Variants in GPC5 observed in about 807,000 individuals in gnomAD.
GPC5 encodes the protein glypican 5.
In GPC5, 47 loss-of-function variants were observed where a neutral mutation model predicts 53.9. That is an observed-to-expected ratio of 0.87 (90% CI 0.69 to 1.11). The LOEUF is 1.11. GPC5 is among the 50% of genes most tolerant of loss of function. GPC5 has a pLI of 0.00. For missense variants in GPC5, 748 were observed against 713.1 expected (o/e 1.05, Z -0.56); for synonymous variants, 286 against 263.3 (o/e 1.09, Z -0.84).
intron 6 of GPC5, among the ~76,000 whole-genome samples, chr13:92,056,160 G>A (rs2041072638): frequency 6.6e-6 from 1 of 152,160 alleles, no homozygotes; most frequent in African/African-American, 2.4e-5. Flanking sequence ...ATGAAAGGTT[G>A]TCTTCCTTCT....
chr13:92,696,572 A>G (rs1333274306), intron 7 of GPC5, among the ~76,000 whole-genome samples: 1 of 152,056 alleles, frequency 6.6e-6, no homozygotes, highest in African/African-American at 2.4e-5. Flanking sequence ...AATTTGTGTA[A>G]GTTATTTGTA....
At chr13:91,830,668 G>T (rs28812201) in intron 5 of GPC5, among the ~76,000 whole-genome samples, 3 of 149,292 alleles carry the variant, frequency 2.0e-5, no homozygotes, top group Non-Finnish European at 4.4e-5. Context: ...CGGTCCCTCC[G>T]TTTGGGGTCC....
intron 7 of GPC5, among the ~76,000 whole-genome samples, chr13:92,693,971 T>G (rs1198511796): frequency 3.3e-5 from 5 of 152,202 alleles, no homozygotes; most frequent in African/African-American, 1.2e-4. Flanking sequence ...CTGTGCAGAC[T>G]CAGGACTTGG....
intron 5 of GPC5, among the ~76,000 whole-genome samples, chr13:91,881,274 A>T (rs1408964205): frequency 6.6e-6 from 1 of 152,176 alleles, no homozygotes; most frequent in East Asian, 1.9e-4. Flanking sequence ...ATAAATTTTT[A>T]ACATAAAATA....
At chr13:92,480,406 T>C (rs2209830) in intron 7 of GPC5, among the ~76,000 whole-genome samples, 50,989 of 151,990 alleles carry the variant, frequency 0.34, 9,327 homozygotes, top group East Asian at 0.67. Context: ...GGATTATGGC[T>C]CACTTTTGGA....
intron 6 of GPC5, among the ~76,000 whole-genome samples, chr13:91,938,735 C>A (rs1171305627): frequency 6.6e-6 from 1 of 152,078 alleles, no homozygotes; most frequent in Admixed American, 6.6e-5. Flanking sequence ...AAACTTGCCT[C>A]CTACTTACAT....
chr13:92,612,150 T>C (rs1884458939), intron 7 of GPC5, among the ~76,000 whole-genome samples: 1 of 152,094 alleles, frequency 6.6e-6, no homozygotes, highest in African/African-American at 2.4e-5. Context: ...GAGGTTAATG[T>C]GCAAAAGGGC....
At chr13:92,182,357 A>T (rs1298710415) in intron 7 of GPC5, among the ~76,000 whole-genome samples, 1 of 152,216 alleles carries the variant, frequency 6.6e-6, no homozygotes, top group African/African-American at 2.4e-5. Flanking sequence ...ACAATGTTCA[A>T]AATATAATCC....
intron 6 of GPC5, among the ~76,000 whole-genome samples, chr13:92,009,616 AT>A: frequency 6.6e-6 from 1 of 152,232 alleles, no homozygotes; most frequent in East Asian, 1.9e-4. Flanking sequence ...CCCAGTGCAG[AT>A]TTCTAGGGGT....
At chr13:91,902,588 A>C (rs913756803) in intron 5 of GPC5, among the ~76,000 whole-genome samples, 3 of 152,044 alleles carry the variant, frequency 2.0e-5, no homozygotes, top group Non-Finnish European at 2.9e-5. Context: ...CATCCTTTTC[A>C]TTGTAATGTG....
intron 7 of GPC5, chr13:92,240,288 G>C (rs977241928): frequency 2.0e-5 from 3 of 150,926 alleles, no homozygotes; most frequent in Admixed American, 6.6e-5. Context: ...ACCAACTGGT[G>C]CTTTTTTTTT....
intron 2 of GPC5, among the ~76,000 whole-genome samples, chr13:91,608,410 C>A (rs2139288749): frequency 6.6e-6 from 1 of 152,306 alleles, no homozygotes; most frequent in East Asian, 1.9e-4. Flanking sequence ...GAGTAGACTT[C>A]ATTTCCAAAA....
intron 2 of GPC5, among the ~76,000 whole-genome samples, chr13:91,541,465 T>C (rs2029924920): frequency 6.6e-6 from 1 of 152,148 alleles, no homozygotes; most frequent in Non-Finnish European, 1.5e-5. Context: ...GGGCAATCTA[T>C]AGTATTCCCA....
chr13:92,416,945 A>G (rs1876329048), intron 7 of GPC5, among the ~76,000 whole-genome samples: 1 of 152,224 alleles, frequency 6.6e-6, no homozygotes, highest in South Asian at 2.1e-4. Context: ...TTGGGTTACT[A>G]TAAGTCAAAA....
intron 7 of GPC5, among the ~76,000 whole-genome samples, chr13:92,432,052 A>C: frequency 6.6e-6 from 1 of 152,156 alleles, no homozygotes; most frequent in Admixed American, 6.5e-5. Flanking sequence ...GCCTTTGGGA[A>C]GTAATTTGGT....
At chr13:92,556,129 G>C (rs1042081973) in intron 7 of GPC5, among the ~76,000 whole-genome samples, 2 of 151,606 alleles carry the variant, frequency 1.3e-5, no homozygotes, top group African/African-American at 4.8e-5. Flanking sequence ...TTGGGTTTCT[G>C]TTTTGTTTTT....
chr13:92,600,502 T>C (rs1426652786), intron 7 of GPC5, among the ~76,000 whole-genome samples: 1 of 152,096 alleles, frequency 6.6e-6, no homozygotes, highest in Non-Finnish European at 1.5e-5. Flanking sequence ...ATTCATTCAT[T>C]CATTTATTCT....
rs368876252 is a variant in GPC5, at chr13:92,631,738, C to T, written c.1562-234544C>T. 3.5e-4 allele frequency among the ~76,000 whole-genome samples: 54 copies of T among 152,184 alleles called. No individual in the cohort carries two copies. In the East Asian group the frequency reaches 8.1e-3, roughly 23 times the overall value. ...CTGTAAACTAAAATGGTCCAAAATT[C>T]GAAATTTTGGGGGTGTCAATATGAT... On this transcript the variant is annotated intron_variant, in intron 7 of 7. Transcript: ENST00000377067.
chr13:91,678,202 T>C (rs1352663112), intron 2 of GPC5, among the ~76,000 whole-genome samples: 1 of 152,172 alleles, frequency 6.6e-6, no homozygotes, highest in Non-Finnish European at 1.5e-5. Flanking sequence ...CCTGTAACTG[T>C]AGGAATCGCT....
Sources: allele counts gnomAD v4.1 joint callset (sites outside exome capture counted in the v4.1 genomes callset), GRCh38; gene constraint gnomAD v4.1.1; transcripts MANE v1.5; gene names NCBI Gene and HGNC (gene_info 2026-07-23, HGNC 2026-07-21).